The following RGL1 variants were observed in gnomAD, a reference collection of about 807,000 sequenced individuals.
The protein encoded by RGL1 is ral guanine nucleotide dissociation stimulator-like 1.
A neutral mutation model predicts 95.2 loss-of-function variants in RGL1; 24 were observed. The observed-to-expected ratio is 0.25, with a 90% CI of 0.18 to 0.35. The LOEUF (loss-of-function observed/expected upper bound fraction) is 0.35. RGL1 is among the 10% of genes least tolerant of loss of function. The probability of loss-of-function intolerance (pLI) is 1.00; values close to 1 mark genes in which losing one functional copy is unlikely to be tolerated. For synonymous variants in RGL1, 329 were observed against 344.9 expected (o/e 0.95, Z 0.51); for missense variants, 715 against 936.3 (o/e 0.76, Z 3.08).
chr1:183,854,377 G>C (rs1665010035), intron 3 of RGL1, among the ~76,000 whole-genome samples: 1 of 152,136 alleles, frequency 6.6e-6, no homozygotes, highest in Admixed American at 6.5e-5. Context: ...AGAGAGCACG[G>C]GTGGATTTAA....
At chr1:183,669,338 C>G (rs1652280801) in intron 1 of RGL1, among the ~76,000 whole-genome samples, 1 of 152,134 alleles carries the variant, frequency 6.6e-6, no homozygotes, top group Non-Finnish European at 1.5e-5. Flanking sequence ...TTTGTAATCT[C>G]TGTGATTTCT....
chr1:183,663,366 G>T (rs1168124944), intron 1 of RGL1, among the ~76,000 whole-genome samples: 2 of 147,808 alleles, frequency 1.4e-5, no homozygotes, highest in African/African-American at 2.6e-5. Context: ...AAATTTACAA[G>T]AAAAAAACAA....
intron 9 of RGL1, among the ~76,000 whole-genome samples, chr1:183,897,548 C>CAAA (rs756374573): frequency 9.6e-6 from 1 of 104,026 alleles, no homozygotes; most frequent in African/African-American, 3.4e-5. Flanking sequence ...GACTTCGTCT[C>CAAA]AAAAAAAAAA....
chr1:183,762,280 A>T (rs771180663), intron 2 of RGL1, among the ~76,000 whole-genome samples: 9 of 152,108 alleles, frequency 5.9e-5, no homozygotes, highest in Non-Finnish European at 1.2e-4. Flanking sequence ...AAAGCAAGAG[A>T]TGTGTAACTC....
At chr1:183,801,373 C>T (rs946953557), upstream of RGL1, among the ~76,000 whole-genome samples, 2 of 151,892 alleles carry the variant, frequency 1.3e-5, no homozygotes, top group African/African-American at 2.4e-5. Flanking sequence ...GTTGTAGAAG[C>T]TCTTAAAATA....
At chr1:183,721,839 T>G (rs1656029072) in intron 1 of RGL1, among the ~76,000 whole-genome samples, 3 of 152,218 alleles carry the variant, frequency 2.0e-5, no homozygotes, top group Admixed American at 2.0e-4. Flanking sequence ...CTTGCCTACT[T>G]TTACTTTAAG....
chr1:183,825,895 G>T (rs1662812070), intron 2 of RGL1, among the ~76,000 whole-genome samples: 1 of 152,096 alleles, frequency 6.6e-6, no homozygotes, highest in African/African-American at 2.4e-5. Context: ...AGACGCAGAG[G>T]CCCACACCTG....
intron 1 of RGL1, among the ~76,000 whole-genome samples, chr1:183,730,674 C>T (rs1352633423): frequency 6.6e-6 from 1 of 152,016 alleles, no homozygotes; most frequent in Admixed American, 6.6e-5. Context: ...ACTAATTGGT[C>T]CAGTAGGAAC....
intron 1 of RGL1, among the ~76,000 whole-genome samples, chr1:183,651,724 T>G (rs1387448750): frequency 6.6e-6 from 1 of 152,226 alleles, no homozygotes; most frequent in Non-Finnish European, 1.5e-5. Context: ...TATATTTTCC[T>G]GATGTAACTG....
intron 2 of RGL1, among the ~76,000 whole-genome samples, chr1:183,775,281 T>C (rs890387773): frequency 6.6e-6 from 1 of 152,250 alleles, no homozygotes; most frequent in African/African-American, 2.4e-5. Flanking sequence ...AATGGTTACA[T>C]GTTTCTTGTA....
intron 1 of RGL1, among the ~76,000 whole-genome samples, chr1:183,657,485 C>G (rs536846681): frequency 0.013 from 1,961 of 152,216 alleles, 49 homozygotes; most frequent in African/African-American, 0.045. Flanking sequence ...GTTCCCCTTC[C>G]TGTGTCCATG....
Position 183,912,068 on chromosome 1 carries a change from C to G in RGL1, c.1563-14C>G, listed in dbSNP as rs1284197925. 2 of 1,606,458 alleles carry G rather than the reference C, an allele frequency of 1.2e-6. No individual in the cohort carries two copies. Among genetic ancestry groups the G allele is most frequent in the African/African-American group, 1.3e-5 (1 of 74,752 alleles). On this transcript the variant is annotated splice_polypyrimidine_tract_variant and intron_variant, in intron 14 of 17. Coordinates refer to ENST00000360851, the MANE Select transcript of RGL1 (RefSeq NM_001297671.3). ...TGTAACAGCCCAAATGCTTGGCATT[C>G]TGTTTTTTTCCAGACTGTTTCTAGG...
At chr1:183,752,705 TTTCCCCTTTC>T (rs1658096489) in intron 2 of RGL1, among the ~76,000 whole-genome samples, 7 of 128,688 alleles carry the variant, frequency 5.4e-5, no homozygotes, top group South Asian at 2.5e-4. Context: ...TCTCTCTCTC[TTTCCCCTTTC>T]CTCTCTTTGG....
rs1474357915 is a variant in RGL1 at position 183,926,321 on chromosome 1, C to T, written c.*29C>T. ...GAGGGACCAGTGGCCCCTTGTTTGC[C>T]AAAGGCAGAGTGGGGCTGAGAAACA... is the stretch of plus-strand genomic sequence containing the variant. On this transcript the variant is annotated 3_prime_UTR_variant, in exon 18 of 18. Transcript: ENST00000360851. 6.3e-7 allele frequency: 1 copy of T among 1,578,854 alleles called. No individual in the cohort carries two copies. The highest frequency in any genetic ancestry group is 1.1e-5 in the South Asian group (1 of 87,098).
At chr1:183,882,699 A>G (rs574007532) in intron 5 of RGL1, among the ~76,000 whole-genome samples, 155 of 152,296 alleles carry the variant, frequency 1.0e-3, no homozygotes, top group Non-Finnish European at 1.7e-3. Flanking sequence ...TGCCACCAGT[A>G]TAGGCAGATA....
chr1:183,759,803 A>G (rs1658557209), intron 2 of RGL1, among the ~76,000 whole-genome samples: 1 of 152,238 alleles, frequency 6.6e-6, no homozygotes, highest in Non-Finnish European at 1.5e-5. Context: ...TCTAAACTAA[A>G]GGTGGATACT....
chr1:183,847,424 C>T (rs919162158), intron 2 of RGL1, 142 bp from the exon 3 acceptor site: 3 of 755,604 alleles, frequency 4.0e-6, no homozygotes, highest in South Asian at 1.8e-5. Context: ...CACTGCTCTC[C>T]AGCCTGGGTA....
At chr1:183,742,419 A>G (rs1236994724) in intron 2 of RGL1, 1 of 985,048 alleles carries the variant, frequency 1.0e-6, no homozygotes, top group South Asian at 1.5e-5. Flanking sequence ...AGGCACAGCC[A>G]TGACTGGAGA....
intron 4 of RGL1, among the ~76,000 whole-genome samples, chr1:183,872,452 T>C (rs1666237391): frequency 6.6e-6 from 1 of 152,238 alleles, no homozygotes; most frequent in African/African-American, 2.4e-5. Flanking sequence ...ATCAGTTTCC[T>C]TCTGGAGTGC....
Sources: gnomAD v4.1 joint callset for allele counts (sites outside exome capture counted in the v4.1 genomes callset) on GRCh38, gnomAD v4.1.1 for gene constraint, MANE v1.5 for transcripts, NCBI Gene and HGNC (gene_info 2026-07-23, HGNC 2026-07-21) for gene names.